The following NOL4L variants were observed in gnomAD, a reference collection of about 807,000 sequenced individuals.
NOL4L encodes the protein nucleolar protein 4-like.
In NOL4L, 7 loss-of-function variants were observed where a neutral mutation model predicts 64.5. That is an observed-to-expected ratio of 0.11 (90% CI 0.06 to 0.20). The LOEUF (loss-of-function observed/expected upper bound fraction) is 0.20. Among genes scored for constraint, NOL4L ranks in the 10% least tolerant of loss-of-function variants. The probability of loss-of-function intolerance (pLI) is 1.00; values close to 1 mark genes in which losing one functional copy is unlikely to be tolerated. For missense variants in NOL4L, 680 were observed against 967.1 expected, an observed-to-expected ratio of 0.70 and a Z score of 3.94; for synonymous variants, 413 against 401.0, an observed-to-expected ratio of 1.03 and a Z score of -0.36.
chr20:32,499,036 C>T (rs1339200950), intron 4 of NOL4L, among the ~76,000 whole-genome samples: 1 of 152,076 alleles, frequency 6.6e-6, no homozygotes, highest in South Asian at 2.1e-4. Flanking sequence ...CCTGCCACCA[C>T]GCCAGCTAAT....
chr20:32,576,529 C>T (rs1980117853), intron 1 of NOL4L, among the ~76,000 whole-genome samples: 1 of 152,162 alleles, frequency 6.6e-6, no homozygotes, highest in African/African-American at 2.4e-5. Flanking sequence ...GTGGCTCACA[C>T]TCAGCTCTGG....
At chr20:32,551,158 C>G (rs1389912756) in intron 1 of NOL4L, among the ~76,000 whole-genome samples, 1 of 151,854 alleles carries the variant, frequency 6.6e-6, no homozygotes, top group Non-Finnish European at 1.5e-5. Flanking sequence ...GGTGGATCAC[C>G]TGCGGTCACG....
chr20:32,494,738 T>C (rs1461741635), intron 4 of NOL4L, among the ~76,000 whole-genome samples: 2 of 152,224 alleles, frequency 1.3e-5, no homozygotes, highest in Admixed American at 6.5e-5. Context: ...ATGCCTCGAA[T>C]GTGGACAAGG....
At chr20:32,581,237 C>A (rs931809590) in intron 1 of NOL4L, among the ~76,000 whole-genome samples, 1 of 152,192 alleles carries the variant, frequency 6.6e-6, no homozygotes, top group Non-Finnish European at 1.5e-5. Context: ...GCCTCTCCCC[C>A]ACGCCCAGGC....
intron 1 of NOL4L, among the ~76,000 whole-genome samples, chr20:32,576,046 A>G (rs6119907): frequency 0.21 from 32,171 of 152,104 alleles, 6,682 homozygotes; most frequent in African/African-American, 0.54. Flanking sequence ...ACGAGGCGAG[A>G]GGGAATTGAG....
intron 4 of NOL4L, among the ~76,000 whole-genome samples, chr20:32,491,622 G>C (rs1046378844): frequency 3.3e-5 from 5 of 152,130 alleles, no homozygotes; most frequent in Non-Finnish European, 5.9e-5. Context: ...TGAAGTCTTC[G>C]ATAGAGCTCA....
intron 6 of NOL4L, among the ~76,000 whole-genome samples, chr20:32,455,904 G>A (rs911311590): frequency 5.3e-5 from 8 of 152,120 alleles, no homozygotes; most frequent in Non-Finnish European, 7.4e-5. Flanking sequence ...TCACAGGCTC[G>A]GAGAAGGGGG....
chr20:32,496,103 G>A lies in NOL4L; in HGVS notation c.699+15244C>T, dbSNP rs78182498. On this transcript the variant is annotated intron_variant, in intron 4 of 10. Transcript: ENST00000621426. ...TTCACATCACAACACATGTGCACCC[G>A]GCTGGCAGGCCCTGGGAGAGCTGCC... Among the ~76,000 whole-genome samples, 312 of 152,216 alleles carry A rather than the reference G, an allele frequency of 2.0e-3. 3 individuals are homozygous for A. Among genetic ancestry groups the A allele is most frequent in the African/African-American group, 6.8e-3 (284 of 41,524 alleles).
At chr20:32,455,802 C>T (rs2013442618) in intron 6 of NOL4L, among the ~76,000 whole-genome samples, 1 of 152,240 alleles carries the variant, frequency 6.6e-6, no homozygotes. Context: ...TGCTGTTATC[C>T]CCAGCAGATG....
At chr20:32,497,951 A>G (rs541427694) in intron 4 of NOL4L, among the ~76,000 whole-genome samples, 1 of 152,314 alleles carries the variant, frequency 6.6e-6, no homozygotes, top group African/African-American at 2.4e-5. Context: ...TGCTTATGGC[A>G]CCAGGCAGCT....
intron 1 of NOL4L, among the ~76,000 whole-genome samples, chr20:32,552,328 G>A (rs1346320034): frequency 1.3e-5 from 2 of 152,096 alleles, no homozygotes; most frequent in African/African-American, 4.8e-5. Context: ...TGGCAGGCAG[G>A]GCCAGAAAGG....
At chr20:32,512,356 C>T (rs916787316) in intron 3 of NOL4L, among the ~76,000 whole-genome samples, 11 of 152,184 alleles carry the variant, frequency 7.2e-5, no homozygotes, top group East Asian at 1.9e-4. Flanking sequence ...CACCCAATCC[C>T]GCCACCCCAT....
rs765973768 is a variant in NOL4L, at chr20:32,444,034, G to A, written c.*3562C>T. 4 of 152,206 alleles carry A rather than the reference G, an allele frequency of 2.6e-5. No individual in the cohort carries two copies. Among genetic ancestry groups the A allele is most frequent in the Non-Finnish European group, 5.9e-5 (4 of 68,038 alleles). The allele number at this position is 152,206 out of a possible 1,614,324, so 9.4% of individuals were successfully genotyped here. ...GGTAAAAAGTGAGAGGTTTTTGTTT[G>A]TGGCTTTGCTAAGCAGATGAGCTTA... On this transcript the variant is annotated 3_prime_UTR_variant, in exon 11 of 11. Coordinates refer to ENST00000621426, the MANE Select transcript of NOL4L (RefSeq NM_001256798.2).
chr20:32,458,514 G>GC (rs2013759876), intron 5 of NOL4L, among the ~76,000 whole-genome samples: 1 of 152,204 alleles, frequency 6.6e-6, no homozygotes, highest in South Asian at 2.1e-4. Context: ...CACCAGAGAA[G>GC]CCCCTGCACC....
chr20:32,529,815 G>C (rs1388746814), intron 1 of NOL4L, among the ~76,000 whole-genome samples: 10 of 152,204 alleles, frequency 6.6e-5, no homozygotes, highest in African/African-American at 1.2e-4. Flanking sequence ...CTCTCTCTCT[G>C]TGTGTACAGG....
chr20:32,455,233 A>G lies in NOL4L; in HGVS notation c.1119+885T>C, dbSNP rs2013371746. On this transcript the variant is annotated intron_variant, in intron 6 of 10. Coordinates refer to ENST00000621426, the MANE Select transcript of NOL4L (RefSeq NM_001256798.2). ...TGGCCACAGTGGCAATGGCTGCTGA[A>G]CACAACTCACCCCCTTCATGGAACA... Among the ~76,000 whole-genome samples the G allele has an allele frequency of 3.9e-5, 6 of 152,218 alleles. No individual in the cohort carries two copies. The South Asian group carries it at 1.2e-3, about 32-fold the overall frequency.
At chr20:32,583,351 G>C (rs960444730) in intron 1 of NOL4L, among the ~76,000 whole-genome samples, 4 of 150,712 alleles carry the variant, frequency 2.7e-5, no homozygotes, top group Non-Finnish European at 5.9e-5. Flanking sequence ...GAGGGGACAA[G>C]TGCACTTTTC....
intron 5 of NOL4L, among the ~76,000 whole-genome samples, chr20:32,469,481 C>T (rs1284324552): frequency 6.6e-6 from 1 of 151,874 alleles, no homozygotes; most frequent in Non-Finnish European, 1.5e-5. Flanking sequence ...AAGCAATTCT[C>T]CTGCCTCAGC....
intron 2 of NOL4L, among the ~76,000 whole-genome samples, chr20:32,526,168 G>C (rs1248639835): frequency 6.6e-6 from 1 of 152,086 alleles, no homozygotes; most frequent in Non-Finnish European, 1.5e-5. Flanking sequence ...GGGATTATAG[G>C]TGTCAACCAC....
Sources: gnomAD v4.1 joint callset for allele counts (sites outside exome capture counted in the v4.1 genomes callset) on GRCh38, gnomAD v4.1.1 for gene constraint, MANE v1.5 for transcripts, NCBI Gene and HGNC (gene_info 2026-07-23, HGNC 2026-07-21) for gene names.